SMG6: variants seen among roughly 807,000 people sequenced by gnomAD.
SMG6 encodes the protein telomerase-binding protein EST1A.
A neutral mutation model predicts 142.2 loss-of-function variants in SMG6; 66 were observed. The ratio of observed to expected loss-of-function variants is 0.46; its 90% CI spans 0.38 to 0.57. The LOEUF is 0.57. Among genes scored for constraint, SMG6 ranks in the 20% least tolerant of loss-of-function variants. The pLI is 0.00. For missense variants in SMG6, 1,793 were observed against 1,832.0 expected (o/e 0.98, Z 0.39); for synonymous variants, 779 against 702.4 (o/e 1.11, Z -1.72).
chr17:2,294,883 T>C (rs966415786), intron 4 of SMG6, among the ~76,000 whole-genome samples: 1 of 151,846 alleles, frequency 6.6e-6, no homozygotes, highest in East Asian at 1.9e-4. Flanking sequence ...TAAACACTTT[T>C]TTTTTTTTTT....
chr17:2,237,323 C>T (rs543565595), intron 9 of SMG6: 85 of 175,146 alleles, frequency 4.9e-4, no homozygotes, highest in African/African-American at 1.7e-3. Context: ...CTGCCTCGGC[C>T]TCCCAAAGTG....
intron 15 of SMG6, among the ~76,000 whole-genome samples, chr17:2,070,403 C>G (rs2068068594): frequency 6.6e-6 from 1 of 152,188 alleles, no homozygotes; most frequent in South Asian, 2.1e-4. Context: ...CAGGTCCCAG[C>G]CCTGTCACAC....
chr17:2,213,710 G>T, intron 10 of SMG6: 1 of 152,304 alleles, frequency 6.6e-6, no homozygotes. Flanking sequence ...ACACCCTCAA[G>T]GATGGGCACT....
rs555749529 is a variant in SMG6, at chr17:2,283,502, A to G, written c.2448+123T>C. The G allele has an allele frequency of 3.3e-5, 25 of 759,798 alleles. No individual in the cohort carries two copies. The East Asian group carries it at 5.5e-4, about 17-fold the overall frequency. 47.1% of individuals were successfully genotyped at this position (759,798 alleles called of 1,614,324 possible). A position where few individuals can be genotyped will look rare whatever the true frequency, so the allele number is the denominator to read the frequency against. ...CCCGAGGACACACAGACACTGAGCA[A>G]TAACTGCACCTTGGATAAACCTCAC... On this transcript the variant is annotated intron_variant, in intron 7 of 18. Coordinates refer to ENST00000263073, the MANE Select transcript of SMG6 (RefSeq NM_017575.5).
chr17:2,069,701 G>A (rs972288740), intron 15 of SMG6, among the ~76,000 whole-genome samples: 1 of 152,236 alleles, frequency 6.6e-6, no homozygotes, highest in African/African-American at 2.4e-5. Flanking sequence ...TCCTGCAGCA[G>A]CAGCCGAAGT....
In SMG6 at chr17:2,299,427, T is replaced by C. The variant is rs749844458; in HGVS notation, c.1326A>G (p.Gly442=). 2.4e-5 allele frequency: 39 copies of C among 1,613,812 alleles called. 1 individual carries two copies. The highest frequency in any genetic ancestry group is 1.6e-4 in the Middle Eastern group (1 of 6,084). The change falls in exon 2 of 19, where the codon GGA becomes GGG. Residue 442 remains glycine (G), a synonymous_variant. Coordinates refer to ENST00000263073, the MANE Select transcript of SMG6 (RefSeq NM_017575.5). This position sits in a 1 kb window ranked among gnomAD's most constrained non-coding sequence, Gnocchi z 4.3. ...TGCCTCCACGGCCCCAACTCCGAGA[T>C]CCCTTACTACCAGATCCAAACAAAA... The part of the protein sequence containing the change: ...PRLLFGSGSK[G]SRSWGRGGTT...
intron 13 of SMG6, among the ~76,000 whole-genome samples, chr17:2,137,464 G>A (rs1168432773): frequency 6.6e-6 from 1 of 151,968 alleles, no homozygotes; most frequent in East Asian, 1.9e-4. Flanking sequence ...CCAAGAAATG[G>A]TGTGACAGTA....
At chr17:2,218,929 G>A (rs773979241) in intron 10 of SMG6, among the ~76,000 whole-genome samples, 3 of 152,202 alleles carry the variant, frequency 2.0e-5, no homozygotes, top group Non-Finnish European at 4.4e-5. Context: ...TGGGAGACAA[G>A]AGGTACATGG....
intron 8 of SMG6, chr17:2,280,670 C>T: frequency 1.3e-6 from 1 of 776,136 alleles, no homozygotes; most frequent in Non-Finnish European, 1.6e-6. Context: ...GGATGATGTA[C>T]AAACTAAAAA....
At chr17:2,298,744 A>G (rs983726285) in intron 2 of SMG6, among the ~76,000 whole-genome samples, 162 bp downstream of exon 2, 1 of 152,060 alleles carries the variant, frequency 6.6e-6, no homozygotes, top group Non-Finnish European at 1.5e-5. Flanking sequence ...AAGACTAGAA[A>G]TAAAACTTCT....
At chr17:2,237,897 T>C (rs1211599860) in intron 9 of SMG6, among the ~76,000 whole-genome samples, 1 of 152,234 alleles carries the variant, frequency 6.6e-6, no homozygotes, top group African/African-American at 2.4e-5. Context: ...AAAGTATTTT[T>C]TACCATGTCC....
chr17:2,227,887 A>G (rs1321820392), intron 10 of SMG6, among the ~76,000 whole-genome samples: 1 of 152,234 alleles, frequency 6.6e-6, no homozygotes, highest in Non-Finnish European at 1.5e-5. Flanking sequence ...TGGATAAACT[A>G]ATGTGACTAA....
chr17:2,167,919 G>C (rs916718938), intron 13 of SMG6, among the ~76,000 whole-genome samples: 31 of 152,114 alleles, frequency 2.0e-4, no homozygotes, highest in African/African-American at 7.0e-4. Flanking sequence ...TGAGACCCAG[G>C]CTGCAGTGCA....
chr17:2,144,419 C>T (rs1041694291), intron 13 of SMG6, among the ~76,000 whole-genome samples: 13 of 152,042 alleles, frequency 8.6e-5, no homozygotes, highest in East Asian at 3.9e-4. Context: ...GTTTCCCGGG[C>T]GGGTCTGGAA....
At chr17:2,302,471 G>A (rs2075303281) in intron 1 of SMG6, among the ~76,000 whole-genome samples, 1 of 152,312 alleles carries the variant, frequency 6.6e-6, no homozygotes, top group East Asian at 1.9e-4. Context: ...AACCCGGGAG[G>A]CGGAGGTTGC....
At chr17:2,084,636 G>A (rs778498832) in intron 14 of SMG6, among the ~76,000 whole-genome samples, 4 of 152,130 alleles carry the variant, frequency 2.6e-5, no homozygotes, top group African/African-American at 7.2e-5. Context: ...CCTGTACCCC[G>A]CCCTGCTCTA....
chr17:2,223,087 C>T (rs1194387182), intron 10 of SMG6, among the ~76,000 whole-genome samples: 5 of 152,172 alleles, frequency 3.3e-5, no homozygotes, highest in Non-Finnish European at 7.3e-5. Flanking sequence ...TTCGACCCTG[C>T]CAGCTCCAGC....
chr17:2,159,009 A>G (rs981433520), intron 13 of SMG6, among the ~76,000 whole-genome samples: 7 of 152,202 alleles, frequency 4.6e-5, no homozygotes, highest in African/African-American at 1.4e-4. Flanking sequence ...TTATAACTCA[A>G]TAAGAAAACA....
chr17:2,264,051 T>TGTGTTACTATATAAAGTGAG (rs2074371384), intron 8 of SMG6, among the ~76,000 whole-genome samples: 2 of 152,052 alleles, frequency 1.3e-5, no homozygotes, highest in Non-Finnish European at 2.9e-5. Flanking sequence ...TAACAGGCAG[T>TGTGTTACTATATAAAGTGAG]GTGTTACTAT....
Sources: allele counts gnomAD v4.1 joint callset (sites outside exome capture counted in the v4.1 genomes callset), GRCh38; gene constraint gnomAD v4.1.1; non-coding constraint Gnocchi (gnomAD v3.1); transcripts MANE v1.5; gene names NCBI Gene and HGNC (gene_info 2026-07-23, HGNC 2026-07-21).